The following USP26 variants were observed in gnomAD, a reference collection of about 807,000 sequenced individuals.
The protein encoded by USP26 is ubiquitin carboxyl-terminal hydrolase 26.
For missense variants in USP26, 649 were observed against 642.3 expected (o/e 1.01, Z -0.11); for synonymous variants, 236 against 240.6 (o/e 0.98, Z 0.18).
intron 5 of USP26, among the ~76,000 whole-genome samples, chrX:133,062,264 T>C (rs1241169674): frequency 1.8e-5 from 2 of 111,278 alleles, no homozygotes; most frequent in African/African-American, 6.5e-5. Context: ...TAGATAAAAC[T>C]CCCATCTCCC....
intron 5 of USP26, among the ~76,000 whole-genome samples, chrX:133,076,882 A>T (rs1162719194): frequency 8.9e-6 from 1 of 112,391 alleles, no homozygotes; most frequent in Non-Finnish European, 1.9e-5. Context: ...CAGATAAGCC[A>T]CACTCACATA....
chrX:133,065,147 G>A (rs915809052), intron 5 of USP26, among the ~76,000 whole-genome samples: 3 of 111,348 alleles, frequency 2.7e-5, no homozygotes, highest in Non-Finnish European at 3.8e-5. Context: ...TGAATTCCTG[G>A]ACACATACAC....
intron 1 of USP26, among the ~76,000 whole-genome samples, chrX:133,094,186 A>T (rs1350746920): frequency 1.8e-5 from 2 of 110,511 alleles, no homozygotes; most frequent in Non-Finnish European, 3.8e-5. Flanking sequence ...GAGTCACAAA[A>T]TGGCAGTAGG....
At chrX:133,069,363 T>C (rs1175824101) in intron 5 of USP26, among the ~76,000 whole-genome samples, 1 of 111,390 alleles carries the variant, frequency 9.0e-6, no homozygotes, top group Non-Finnish European at 1.9e-5. Flanking sequence ...AAAACTTCTT[T>C]GTCTACTAAC....
At position 133,026,141 on chromosome X, in the gene USP26, C is replaced by T. The variant is rs770815751; in HGVS notation, c.2080G>A (p.Glu694Lys). 3.8e-5 allele frequency: 46 copies of T among 1,208,424 alleles called. No homozygotes were observed. The highest frequency in any genetic ancestry group is 7.1e-5 in the South Asian group (4 of 56,712). Residue 694 changes from glutamate to lysine, a missense_variant, in exon 6 of 6, where the codon GAA becomes AAA. Coordinates refer to ENST00000511190, the MANE Select transcript of USP26 (RefSeq NM_031907.3). Reference protein sequence around the residue: ...LSKVDFQTVPENPKRKKYVKT... With the variant: ...LSKVDFQTVPKNPKRKKYVKT... ...ACATATTTCTTTCGTTTTGGATTTT[C>T]GGGCACTGTTTGAAAGTCAACTTTT...
At chrX:133,042,182 C>T (rs1030971247) in intron 5 of USP26, among the ~76,000 whole-genome samples, 1 of 111,528 alleles carries the variant, frequency 9.0e-6, no homozygotes, top group African/African-American at 3.3e-5. Context: ...GACCACTTGG[C>T]TCCCTGACTT....
chrX:133,087,351 A>T (rs2148537878), intron 4 of USP26, among the ~76,000 whole-genome samples: 1 of 112,653 alleles, frequency 8.9e-6, no homozygotes, highest in African/African-American at 3.2e-5. Context: ...GAAGAACATT[A>T]AAATGTTAGC....
chrX:133,026,834 A>G lies in USP26; in HGVS notation c.1387T>C (p.Tyr463His). 1 of 1,211,016 alleles carries G rather than the reference A, an allele frequency of 8.3e-7. No individual in the cohort carries two copies. The highest frequency in any genetic ancestry group is 1.1e-6 in the Non-Finnish European group (1 of 894,935). ...QVILKTELNN[Y>H]LSINLPQRIK... ...CTTTGGGGAAGGTTGATGGAGAGGTAATTATTCAGTTCTGTCTTGAGAATA... is the reference window on the plus strand; with the variant it reads ...CTTTGGGGAAGGTTGATGGAGAGGTGATTATTCAGTTCTGTCTTGAGAATA... The change falls in exon 6 of 6, where the codon TAC (tyrosine) becomes CAC (histidine). Residue 463 changes from tyrosine to histidine, a missense_variant. Transcript: ENST00000511190.
rs147323441 is a variant in USP26, at chrX:133,078,782, T to C, written c.-77+4925A>G. On this transcript the variant is annotated intron_variant, in intron 5 of 5. Coordinates refer to ENST00000511190, the MANE Select transcript of USP26 (RefSeq NM_031907.3). The stretch of plus-strand genomic sequence containing the variant: ...TACTCTTTGGTTGTCTTCAGTAATA[T>C]AATTTTATTATTCTACCATACCCAT... Among the ~76,000 whole-genome samples, 113 of 112,088 alleles carry C rather than the reference T, an allele frequency of 1.0e-3. 3 individuals are homozygous for C. The East Asian group carries it at 0.026, about 25-fold the overall frequency.
At chrX:133,088,400 A>G (rs986801126) in intron 4 of USP26, among the ~76,000 whole-genome samples, 1 of 111,409 alleles carries the variant, frequency 9.0e-6, no homozygotes, top group Non-Finnish European at 1.9e-5. Context: ...GCAGTTTACA[A>G]TAGGGTTCAT....
chrX:133,023,443 T>C lies in USP26; in HGVS notation c.*2036A>G, dbSNP rs185872599. Among the ~76,000 whole-genome samples, 344 of 112,072 alleles carry C rather than the reference T, an allele frequency of 3.1e-3. No homozygotes were observed. The highest frequency in any genetic ancestry group is 0.01 in the African/African-American group (324 of 30,870). ...AAAACAAAACAACTTTCCTTCATTCTTACCAAAATCCTGTTCTGATATCTA... is the reference window on the plus strand; with the variant it reads ...AAAACAAAACAACTTTCCTTCATTCCTACCAAAATCCTGTTCTGATATCTA... On this transcript the variant is annotated 3_prime_UTR_variant, in exon 6 of 6. Transcript: ENST00000511190.
chrX:133,030,120 A>G (rs2148525919), intron 5 of USP26, among the ~76,000 whole-genome samples: 1 of 111,827 alleles, frequency 8.9e-6, no homozygotes, highest in South Asian at 3.8e-4. Context: ...TCACCCCCAC[A>G]CCAGATTCAA....
intron 5 of USP26, among the ~76,000 whole-genome samples, chrX:133,044,776 A>G (rs2067432836): frequency 1.8e-5 from 2 of 113,432 alleles, no homozygotes; most frequent in South Asian, 7.1e-4. Context: ...CACAAGGTGC[A>G]GGACTGGCAG....
At chrX:133,040,424 G>T (rs943198395) in intron 5 of USP26, among the ~76,000 whole-genome samples, 1 of 111,435 alleles carries the variant, frequency 9.0e-6, no homozygotes, top group Non-Finnish European at 1.9e-5. Flanking sequence ...TGTCTGGAAA[G>T]GATTTTATTT....
chrX:133,028,322 G>A (rs914043727), intron 5 of USP26, 26 bp from the exon 6 acceptor site: 1 of 907,208 alleles, frequency 1.1e-6, no homozygotes. Flanking sequence ...CAAAGAAATA[G>A]TTCATTAGTT....
rs767406920 is a variant in USP26, at chrX:133,028,184, C to G, written c.37G>C (p.Gly13Arg). Residue 13 changes from glycine (G) to arginine (R), a missense_variant, in exon 6 of 6, where the codon GGG becomes CGG. Coordinates refer to ENST00000511190, the MANE Select transcript of USP26 (RefSeq NM_031907.3). ...TTAGATATCCCAGTCTTGCAGTTCC[C>G]TATTTGGACAAAACCACGTAGGAAT... ...ALFLRGFVQI[G>R]NCKTGISKSK... 8.3e-7 allele frequency: 1 copy of G among 1,209,978 alleles called. No individual in the cohort carries two copies. The highest frequency in any genetic ancestry group is 1.1e-6 in the Non-Finnish European group (1 of 893,950).
At chrX:133,030,954 A>G (rs1173212057) in intron 5 of USP26, among the ~76,000 whole-genome samples, 1 of 111,942 alleles carries the variant, frequency 8.9e-6, no homozygotes, top group African/African-American at 3.2e-5. Context: ...AGAAACTAAC[A>G]TTTCTAGGTC....
chrX:133,034,323 G>C (rs191223864), intron 5 of USP26, among the ~76,000 whole-genome samples: 106 of 111,580 alleles, frequency 9.5e-4, no homozygotes, highest in Middle Eastern at 4.7e-3. Context: ...GAGGAAAACA[G>C]CATCTAAAGT....
chrX:133,026,767 A>G lies in USP26; in HGVS notation c.1454T>C (p.Leu485Pro). The change falls in exon 6 of 6, where the codon CTT becomes CCT. Residue 485 changes from leucine to proline, a missense_variant. Leu to Pro is a moderately conservative substitution (Grantham distance 98). Coordinates refer to ENST00000511190, the MANE Select transcript of USP26 (RefSeq NM_031907.3). ...HPSSIQSTFDLFFGAEELEYK... is the reference protein window; with the variant it reads ...HPSSIQSTFDPFFGAEELEYK... ...CTCAAGCTCTTCTGCTCCAAAAAAA[A>G]GATCAAAAGTAGACTGAATAGATGA... The G allele has an allele frequency of 8.3e-7, 1 of 1,211,389 alleles. No homozygotes were observed. Among genetic ancestry groups the G allele is most frequent in the Non-Finnish European group, 1.1e-6 (1 of 895,375 alleles).
Sources: gnomAD v4.1 joint callset for allele counts (sites outside exome capture counted in the v4.1 genomes callset) on GRCh38, gnomAD v4.1.1 for gene constraint, MANE v1.5 for transcripts, NCBI Gene and HGNC (gene_info 2026-07-23, HGNC 2026-07-21) for gene names.